Variants in NRG3 observed in about 807,000 individuals in gnomAD.
NRG3 encodes pro-neuregulin-3, membrane-bound isoform.
A neutral mutation model predicts 66.9 loss-of-function variants in NRG3; 31 were observed. The observed-to-expected ratio is 0.46, with a 90% CI of 0.35 to 0.63. NRG3 has a LOEUF of 0.63. NRG3 is among the 20% of genes least tolerant of loss of function. NRG3 has a pLI of 0.00. For missense variants in NRG3, 910 were observed against 878.9 expected (o/e 1.04, Z -0.45); for synonymous variants, 393 against 359.4 (o/e 1.09, Z -1.06).
At chr10:82,441,896 C>T (rs933819185) in intron 2 of NRG3, among the ~76,000 whole-genome samples, 8 of 152,100 alleles carry the variant, frequency 5.3e-5, no homozygotes, top group East Asian at 3.9e-4. Context: ...GCCTGGCATC[C>T]GAGTAGAGAC....
At chr10:82,936,875 G>A (rs919176187) in intron 4 of NRG3, among the ~76,000 whole-genome samples, 10 of 152,266 alleles carry the variant, frequency 6.6e-5, no homozygotes, top group African/African-American at 1.4e-4. Context: ...AAGAAGAGGG[G>A]TGAGCCATGC....
At chr10:82,738,324 C>T (rs1260423664) in intron 2 of NRG3, among the ~76,000 whole-genome samples, 2 of 152,138 alleles carry the variant, frequency 1.3e-5, no homozygotes, top group South Asian at 2.1e-4. Flanking sequence ...TCTTAAAATG[C>T]GATTCAATTT....
At chr10:81,943,168 G>A (rs992933591) in intron 1 of NRG3, among the ~76,000 whole-genome samples, 3 of 151,870 alleles carry the variant, frequency 2.0e-5, no homozygotes, top group East Asian at 3.9e-4. Context: ...CAGGAGGATT[G>A]CTTGAGAGCT....
At chr10:82,911,365 A>C in intron 4 of NRG3, among the ~76,000 whole-genome samples, 1 of 152,096 alleles carries the variant, frequency 6.6e-6, no homozygotes. Context: ...CTAAAAGCTC[A>C]ACACGAAACC....
intron 1 of NRG3, among the ~76,000 whole-genome samples, chr10:82,156,130 T>A (rs2071166007): frequency 6.6e-6 from 1 of 151,666 alleles, no homozygotes; most frequent in South Asian, 2.1e-4. Flanking sequence ...ATTGTCCTCC[T>A]TATTAAATTG....
intron 4 of NRG3, among the ~76,000 whole-genome samples, chr10:82,924,666 C>T (rs1489256623): frequency 3.3e-5 from 5 of 151,716 alleles, no homozygotes; most frequent in African/African-American, 7.3e-5. Flanking sequence ...TTCAAAGCTA[C>T]CTGGTAGTGT....
chr10:82,435,775 TTTTC>T (rs2090099266), intron 2 of NRG3, among the ~76,000 whole-genome samples: 2 of 140,874 alleles, frequency 1.4e-5, no homozygotes, highest in African/African-American at 5.6e-5. Context: ...GTTTCTTTTC[TTTTC>T]TTTTTTTTTT....
chr10:82,676,638 C>T (rs953139536), intron 2 of NRG3, among the ~76,000 whole-genome samples: 7 of 152,066 alleles, frequency 4.6e-5, no homozygotes, highest in African/African-American at 1.7e-4. Context: ...TGTGTCCCAC[C>T]ACTCCTGGCT....
In NRG3 at chr10:82,362,666, A is replaced by G. The variant is rs182583379; in HGVS notation, c.953+3798A>G. Among the ~76,000 whole-genome samples the G allele has an allele frequency of 3.1e-4, 46 of 150,360 alleles. No homozygotes were observed. The East Asian group carries it at 7.7e-3, about 25-fold the overall frequency. On this transcript the variant is annotated intron_variant, in intron 2 of 8. Transcript: ENST00000372141. ...CAGCTTCCTAAAATGTTGGGATTACAGGTGTGAGTTACTATGCCCAGCCTG... is the reference window on the plus strand; with the variant it reads ...CAGCTTCCTAAAATGTTGGGATTACGGGTGTGAGTTACTATGCCCAGCCTG...
At chr10:82,790,738 CT>C (rs1378047044) in intron 3 of NRG3, among the ~76,000 whole-genome samples, 1 of 151,902 alleles carries the variant, frequency 6.6e-6, no homozygotes, top group African/African-American at 2.4e-5. Context: ...ACCACATAGT[CT>C]TTTTGAGGCT....
intron 1 of NRG3, among the ~76,000 whole-genome samples, chr10:82,148,292 G>C (rs1481130276): frequency 6.6e-6 from 1 of 152,080 alleles, no homozygotes; most frequent in Non-Finnish European, 1.5e-5. Flanking sequence ...GAGCCCAGGA[G>C]TTCAAGACCA....
chr10:82,198,974 G>T (rs1219206350), intron 1 of NRG3, among the ~76,000 whole-genome samples: 1 of 148,848 alleles, frequency 6.7e-6, no homozygotes, highest in Non-Finnish European at 1.5e-5. Flanking sequence ...TCCAGCCTGG[G>T]CAACAGAACA....
chr10:82,562,529 A>G lies in NRG3; in HGVS notation c.954-176048A>G, dbSNP rs74553375. On this transcript the variant is annotated intron_variant, in intron 2 of 8. Transcript: ENST00000372141. ...AGACAAAAAACTGAGAAAGTTTGGCATTAATTATCTTGAAACACAGTCAGT... is the reference window on the plus strand; with the variant it reads ...AGACAAAAAACTGAGAAAGTTTGGCGTTAATTATCTTGAAACACAGTCAGT... Among the ~76,000 whole-genome samples the G allele has an allele frequency of 4.3e-3, 648 of 152,342 alleles. 2 individuals are homozygous for G. The highest frequency in any genetic ancestry group is 7.4e-3 in the Non-Finnish European group (504 of 68,032).
chr10:82,394,049 T>C (rs1485062073), intron 2 of NRG3, among the ~76,000 whole-genome samples: 3 of 152,148 alleles, frequency 2.0e-5, no homozygotes, highest in Non-Finnish European at 4.4e-5. Context: ...GTATTGCTAT[T>C]TAGTATGCTT....
At chr10:82,792,809 T>C (rs2060641247) in intron 3 of NRG3, among the ~76,000 whole-genome samples, 1 of 152,044 alleles carries the variant, frequency 6.6e-6, no homozygotes, top group Non-Finnish European at 1.5e-5. Context: ...GCCTCCTGAG[T>C]AGCTGGGATT....
chr10:81,893,311 T>C (rs1214615449), intron 1 of NRG3, among the ~76,000 whole-genome samples: 1 of 152,214 alleles, frequency 6.6e-6, no homozygotes, highest in Non-Finnish European at 1.5e-5. Context: ...TAACCCTATA[T>C]TTAATGGTTC....
At chr10:82,903,889 T>C (rs769524224) in intron 4 of NRG3, among the ~76,000 whole-genome samples, 1 of 152,052 alleles carries the variant, frequency 6.6e-6, no homozygotes, top group Non-Finnish European at 1.5e-5. Context: ...ACATTACATA[T>C]ATATATATAT....
At chr10:82,107,816 T>C (rs560368632) in intron 1 of NRG3, among the ~76,000 whole-genome samples, 1 of 152,380 alleles carries the variant, frequency 6.6e-6, no homozygotes, top group East Asian at 1.9e-4. Context: ...GAAAAATGTA[T>C]GTTTAAAAAA....
intron 1 of NRG3, among the ~76,000 whole-genome samples, chr10:81,983,814 G>C (rs1320759329): frequency 6.6e-6 from 1 of 152,070 alleles, no homozygotes; most frequent in Non-Finnish European, 1.5e-5. Context: ...ATTAAATAAT[G>C]GCCCTTCAAA....
Sources: gnomAD v4.1 joint callset for allele counts (sites outside exome capture counted in the v4.1 genomes callset) on GRCh38, gnomAD v4.1.1 for gene constraint, MANE v1.5 for transcripts, NCBI Gene and HGNC (gene_info 2026-07-23, HGNC 2026-07-21) for gene names.